PRKCH: variants seen among roughly 807,000 people sequenced by gnomAD.
PRKCH encodes protein kinase C eta type.
PRKCH carries 28 observed loss-of-function variants against 82.5 expected under a neutral mutation model. That is an observed-to-expected ratio of 0.34 (90% CI 0.25 to 0.47). The LOEUF (loss-of-function observed/expected upper bound fraction) is 0.47. Ranked by LOEUF, PRKCH falls within the 20% of genes least tolerant of loss-of-function variation. The pLI is 1.00. For synonymous variants in PRKCH, 322 were observed against 327.4 expected, an observed-to-expected ratio of 0.98 and a Z score of 0.18; for missense variants, 705 against 881.8, an observed-to-expected ratio of 0.80 and a Z score of 2.54.
intron 1 of PRKCH, among the ~76,000 whole-genome samples, chr14:61,295,510 T>G (rs1225343472): frequency 2.0e-5 from 3 of 152,190 alleles, no homozygotes; most frequent in Non-Finnish European, 4.4e-5. Flanking sequence ...TTACTTGAAT[T>G]TAATAAAAAA....
Position 61,362,377 on chromosome 14 carries a change from G to A in PRKCH, c.364-28848G>A, listed in dbSNP as rs1185976491. ...AAAAAAAAGGAAACAAGGGGCCAAG[G>A]GAAATGGGGAGACTAGGAAATTCAA... On this transcript the variant is annotated intron_variant, in intron 1 of 13. Coordinates refer to ENST00000332981, the MANE Select transcript of PRKCH (RefSeq NM_006255.5). 2.0e-5 allele frequency among the ~76,000 whole-genome samples: 3 copies of A among 150,994 alleles called. No individual in the cohort carries two copies. In the East Asian group the frequency reaches 5.8e-4, roughly 29 times the overall value.
At chr14:61,242,343 T>C (rs963445505) in intron 1 of PRKCH, among the ~76,000 whole-genome samples, 1 of 152,206 alleles carries the variant, frequency 6.6e-6, no homozygotes, top group Admixed American at 6.5e-5. Flanking sequence ...AAAACTCTTC[T>C]AAATGGCCAC....
intron 4 of PRKCH, among the ~76,000 whole-genome samples, 161 bp downstream of exon 4, chr14:61,445,887 A>G (rs1195422231): frequency 2.0e-5 from 3 of 152,144 alleles, no homozygotes; most frequent in African/African-American, 4.8e-5. Context: ...GTTTGGTGAG[A>G]TCTTGGCCAT....
chr14:61,534,169 A>T (rs2043078147), intron 12 of PRKCH, among the ~76,000 whole-genome samples: 1 of 152,200 alleles, frequency 6.6e-6, no homozygotes, highest in Admixed American at 6.5e-5. Context: ...TTCTTCAGAA[A>T]ATTAAGCAGA....
At chr14:61,352,446 T>G (rs1159500624) in intron 1 of PRKCH, among the ~76,000 whole-genome samples, 1 of 152,036 alleles carries the variant, frequency 6.6e-6, no homozygotes, top group African/African-American at 2.4e-5. Context: ...ATGGATCATT[T>G]GAGGGCAGGG....
chr14:61,474,680 A>G lies in PRKCH; in HGVS notation c.1279-10822A>G, dbSNP rs539222956. 6.7e-4 allele frequency among the ~76,000 whole-genome samples: 102 copies of G among 152,348 alleles called. 1 individual carries two copies. Among genetic ancestry groups the G allele is most frequent in the Admixed American group, 5.9e-4 (9 of 15,312 alleles). On this transcript the variant is annotated intron_variant, in intron 9 of 13. Coordinates refer to ENST00000332981, the MANE Select transcript of PRKCH (RefSeq NM_006255.5). ...TGTAACAAACCTGCACGTTGTGCACATGTACCCTAGAACTTAAAGTATAAT... is the reference window on the plus strand; with the variant it reads ...TGTAACAAACCTGCACGTTGTGCACGTGTACCCTAGAACTTAAAGTATAAT...
intron 1 of PRKCH, among the ~76,000 whole-genome samples, chr14:61,193,700 T>C (rs1023096343): frequency 1.3e-5 from 2 of 152,170 alleles, no homozygotes; most frequent in African/African-American, 4.8e-5. Context: ...GGGTCATTTG[T>C]TTACAACAGA....
intron 1 of PRKCH, among the ~76,000 whole-genome samples, chr14:61,368,624 T>C (rs971645805): frequency 6.6e-6 from 1 of 152,160 alleles, no homozygotes; most frequent in Non-Finnish European, 1.5e-5. Flanking sequence ...AAAACAGAGC[T>C]GGCACTGATC....
At chr14:61,462,479 C>T (rs1885069409) in intron 9 of PRKCH, among the ~76,000 whole-genome samples, 2 of 152,234 alleles carry the variant, frequency 1.3e-5, no homozygotes, top group Non-Finnish European at 2.9e-5. Context: ...TTGTTGCCTT[C>T]TTTGAGGTTT....
At chr14:61,435,098 G>A (rs1306279528) in intron 2 of PRKCH, among the ~76,000 whole-genome samples, 2 of 152,076 alleles carry the variant, frequency 1.3e-5, no homozygotes, top group Non-Finnish European at 2.9e-5. Context: ...TTCCTCACCC[G>A]CTGAGGGTGT....
chr14:61,495,349 A>G (rs1886622022), intron 10 of PRKCH, among the ~76,000 whole-genome samples: 1 of 152,186 alleles, frequency 6.6e-6, no homozygotes. Context: ...CTAATTGATA[A>G]ATGTGTTAGT....
At chr14:61,456,241 C>G (rs569558866) in intron 7 of PRKCH, among the ~76,000 whole-genome samples, 1 of 152,298 alleles carries the variant, frequency 6.6e-6, no homozygotes, top group African/African-American at 2.4e-5. Context: ...GTAACTTGCT[C>G]AGGGTCTTAG....
Position 61,501,508 on chromosome 14 carries a change from C to T in PRKCH, c.1433+15852C>T, listed in dbSNP as rs1005908136. ...TCGTACGTTTCCTCATTTGTCATGG[C>T]TACATAAGGGCTTGCATCTTGAGCT... On this transcript the variant is annotated intron_variant, in intron 10 of 13. Transcript: ENST00000332981. Among the ~76,000 whole-genome samples, 5 of 151,934 alleles carry T rather than the reference C, an allele frequency of 3.3e-5. No homozygotes were observed. In the South Asian group the frequency reaches 1.0e-3, roughly 32 times the overall value.
intron 1 of PRKCH, among the ~76,000 whole-genome samples, chr14:61,253,062 A>C (rs768311498): frequency 9.2e-5 from 14 of 152,196 alleles, no homozygotes; most frequent in Non-Finnish European, 1.6e-4. Flanking sequence ...GAGGAGAAAA[A>C]TTGTTTTTGT....
At chr14:61,351,537 C>A (rs2046073868) in intron 1 of PRKCH, among the ~76,000 whole-genome samples, 1 of 152,140 alleles carries the variant, frequency 6.6e-6, no homozygotes, top group Non-Finnish European at 1.5e-5. Context: ...AAGATTTGTT[C>A]TAAATACACG....
chr14:61,218,128 A>G lies in PRKCH; in HGVS notation c.-19+30460A>G, dbSNP rs1415314637. 2.0e-5 allele frequency among the ~76,000 whole-genome samples: 3 copies of G among 152,292 alleles called. No individual in the cohort carries two copies. In the East Asian group the frequency reaches 5.8e-4, roughly 29 times the overall value. On this transcript the variant is annotated intron_variant, in intron 1 of 3. Transcript: ENST00000555185. Reference sequence around the variant, plus strand: ...GTTCAACCAAATTCATAGAAGCATTATCTACTGGAAAATGAAGTTAAAACA... The same window carrying G: ...GTTCAACCAAATTCATAGAAGCATTGTCTACTGGAAAATGAAGTTAAAACA...
intron 10 of PRKCH, among the ~76,000 whole-genome samples, chr14:61,526,972 C>T (rs911729782): frequency 6.6e-6 from 1 of 152,244 alleles, no homozygotes; most frequent in Admixed American, 6.5e-5. Context: ...CCCAAAAGGC[C>T]AAGCTGTTGC....
intron 6 of PRKCH, chr14:61,452,803 T>G (rs1400005853): frequency 4.9e-6 from 1 of 205,746 alleles, no homozygotes; most frequent in Admixed American, 5.4e-5. Context: ...CATGTGGCAT[T>G]TAAACTGCTA....
chr14:61,521,828 C>T (rs1180519368), intron 10 of PRKCH, among the ~76,000 whole-genome samples: 1 of 151,950 alleles, frequency 6.6e-6, no homozygotes, highest in East Asian at 1.9e-4. Context: ...CTACCCTACT[C>T]TAAGTATAAT....
Sources: allele counts gnomAD v4.1 joint callset (sites outside exome capture counted in the v4.1 genomes callset), GRCh38; gene constraint gnomAD v4.1.1; transcripts MANE v1.5; gene names NCBI Gene and HGNC (gene_info 2026-07-23, HGNC 2026-07-21).